Variants in PDZD2 observed in about 807,000 individuals in gnomAD.
PDZD2 encodes PDZ domain-containing protein 2.
A neutral mutation model predicts 220.7 loss-of-function variants in PDZD2; 90 were observed. The observed-to-expected ratio is 0.41, with a 90% CI of 0.34 to 0.49. The LOEUF is 0.49. PDZD2 is among the 20% of genes least tolerant of loss of function. The probability of loss-of-function intolerance (pLI) is 0.28; values close to 1 mark genes in which losing one functional copy is unlikely to be tolerated. For missense variants in PDZD2, 3,174 were observed against 3,608.5 expected, an observed-to-expected ratio of 0.88 and a Z score of 3.08; for synonymous variants, 1,375 against 1,450.5, an observed-to-expected ratio of 0.95 and a Z score of 1.18.
At chr5:31,814,531 C>T (rs1354744944) in intron 2 of PDZD2, among the ~76,000 whole-genome samples, 1 of 152,096 alleles carries the variant, frequency 6.6e-6, no homozygotes, top group Non-Finnish European at 1.5e-5. Flanking sequence ...TATCTAAAGA[C>T]ATGGAATTAG....
chr5:32,040,291 C>A (rs1289971372), intron 7 of PDZD2, among the ~76,000 whole-genome samples: 1 of 149,642 alleles, frequency 6.7e-6, no homozygotes, highest in Non-Finnish European at 1.5e-5. Flanking sequence ...GCCACCACCC[C>A]GTCTGGGAAG....
chr5:32,073,745 T>G, intron 17 of PDZD2, 87 bp from the exon 18 acceptor site: 1 of 826,548 alleles, frequency 1.2e-6, no homozygotes, highest in Non-Finnish European at 2.0e-6. Flanking sequence ...GTGGAAATGC[T>G]TATGTGTAAT....
chr5:31,969,800 T>C (rs1749132752), intron 2 of PDZD2, among the ~76,000 whole-genome samples: 1 of 152,168 alleles, frequency 6.6e-6, no homozygotes, highest in South Asian at 2.1e-4. Flanking sequence ...AAGAGTCTCT[T>C]TTTTTGTTTT....
At chr5:31,833,520 G>A (rs62348976) in intron 2 of PDZD2, among the ~76,000 whole-genome samples, 12,858 of 150,822 alleles carry the variant, frequency 0.085, 688 homozygotes, top group Middle Eastern at 0.13. Context: ...TCCTGAGCTC[G>A]TAATCCGCCC....
intron 1 of PDZD2, among the ~76,000 whole-genome samples, chr5:31,658,983 G>C (rs575675859): frequency 6.6e-6 from 1 of 152,072 alleles, no homozygotes. Flanking sequence ...TTTGCTCCCA[G>C]TTCTTCCTTG....
intron 2 of PDZD2, among the ~76,000 whole-genome samples, chr5:31,901,153 C>T (rs914953492): frequency 2.0e-5 from 3 of 152,152 alleles, no homozygotes; most frequent in Non-Finnish European, 2.9e-5. Context: ...CATGGTGGCT[C>T]ATGCCTGTAA....
intron 2 of PDZD2, among the ~76,000 whole-genome samples, chr5:31,965,155 G>C (rs1292862529): frequency 1.3e-5 from 2 of 152,204 alleles, no homozygotes; most frequent in Non-Finnish European, 2.9e-5. Context: ...TTAAGGAGTG[G>C]TAGAGAGTTT....
At chr5:32,008,125 A>G (rs1752985201) in intron 5 of PDZD2, among the ~76,000 whole-genome samples, 1 of 124,324 alleles carries the variant, frequency 8.0e-6, no homozygotes, top group African/African-American at 2.9e-5. Context: ...CCCCATCTCT[A>G]TAAAATAATA....
intron 23 of PDZD2, chr5:32,100,738 G>A: frequency 2.3e-6 from 1 of 436,860 alleles, no homozygotes; most frequent in South Asian, 1.8e-5. Flanking sequence ...ATCAAATTTG[G>A]AGTCCCCAAG....
intron 6 of PDZD2, 45 bp from the exon 7 acceptor site, chr5:32,037,186 G>T: frequency 8.2e-7 from 1 of 1,226,994 alleles, no homozygotes; most frequent in South Asian, 1.2e-5. Flanking sequence ...ATAAGTCATC[G>T]CAGGGCTGGG....
chr5:31,669,348 G>A (rs1746122272), intron 1 of PDZD2, among the ~76,000 whole-genome samples: 1 of 150,116 alleles, frequency 6.7e-6, no homozygotes, highest in Non-Finnish European at 1.5e-5. Flanking sequence ...GCTGCAGTGA[G>A]CTATGATTGT....
Position 31,799,043 on chromosome 5 carries a change from A to G in PDZD2, c.-206A>G, listed in dbSNP as rs1348774886. The G allele has an allele frequency of 3.5e-6, 2 of 568,438 alleles. No individual in the cohort carries two copies. Among genetic ancestry groups the G allele is most frequent in the African/African-American group, 3.7e-5 (2 of 53,508 alleles). The allele number at this position is 568,438 out of a possible 1,614,324, so 35.2% of individuals were successfully genotyped here. ...TTGAGCACTCCAGTGCCATTGTTCC[A>G]CAGTTGTTCTAATTGGGTCCTAGCT... On this transcript the variant is annotated 5_prime_UTR_variant, in exon 2 of 25. Transcript: ENST00000438447.
chr5:31,990,569 GATCTCCC>G (rs1424211473), intron 3 of PDZD2, among the ~76,000 whole-genome samples: 1 of 152,222 alleles, frequency 6.6e-6, no homozygotes, highest in Non-Finnish European at 1.5e-5. Flanking sequence ...CAAACAGACA[GATCTCCC>G]ATCTGTGTGA....
intron 2 of PDZD2, among the ~76,000 whole-genome samples, chr5:31,878,867 G>T (rs960308379): frequency 2.6e-5 from 4 of 151,524 alleles, no homozygotes; most frequent in Non-Finnish European, 4.4e-5. Flanking sequence ...GGCCGACCTC[G>T]GCTTATTTTG....
At chr5:31,777,502 G>A (rs969538953) in intron 1 of PDZD2, among the ~76,000 whole-genome samples, 35 of 152,268 alleles carry the variant, frequency 2.3e-4, no homozygotes, top group Non-Finnish European at 4.3e-4. Context: ...AGGGGTGCAG[G>A]TGCGTGGCAT....
intron 1 of PDZD2, among the ~76,000 whole-genome samples, chr5:31,777,521 C>T (rs374726732): frequency 1.5e-4 from 23 of 152,378 alleles, no homozygotes; most frequent in East Asian, 1.2e-3. Flanking sequence ...ATGGGACTGG[C>T]GGGCAGCTCT....
chr5:31,798,434 C>T (rs1754172891), intron 1 of PDZD2, among the ~76,000 whole-genome samples: 1 of 152,182 alleles, frequency 6.6e-6, no homozygotes, highest in Admixed American at 6.5e-5. Flanking sequence ...GTTGTCAGAA[C>T]AGATTTCTGG....
intron 2 of PDZD2, among the ~76,000 whole-genome samples, chr5:31,819,273 G>A (rs967582592): frequency 4.6e-5 from 7 of 152,152 alleles, no homozygotes; most frequent in African/African-American, 1.4e-4. Flanking sequence ...TTTAACAGCT[G>A]TATAGTATCC....
intron 6 of PDZD2, among the ~76,000 whole-genome samples, chr5:32,025,006 A>G (rs1754520146): frequency 6.6e-6 from 1 of 152,262 alleles, no homozygotes. Context: ...AGCCTGGAAC[A>G]GCCTCTCTTT....
Sources: gnomAD v4.1 joint callset for allele counts (sites outside exome capture counted in the v4.1 genomes callset) on GRCh38, gnomAD v4.1.1 for gene constraint, MANE v1.5 for transcripts, NCBI Gene and HGNC (gene_info 2026-07-23, HGNC 2026-07-21) for gene names.